The following ROBO2 variants were observed in gnomAD, a reference collection of about 807,000 sequenced individuals.
The protein encoded by ROBO2 is roundabout homolog 2.
Under a neutral mutation model 160.8 loss-of-function variants are expected in ROBO2, and 53 were observed. That is an observed-to-expected ratio of 0.33 (90% CI 0.26 to 0.41). The LOEUF is 0.41. ROBO2 is among the 10% of genes least tolerant of loss of function. The pLI, the probability that ROBO2 is intolerant of heterozygous loss-of-function variation, is 1.00. For synonymous variants in ROBO2, 664 were observed against 611.7 expected (o/e 1.09, Z -1.26); for missense variants, 1,577 against 1,722.4 (o/e 0.92, Z 1.49).
chr3:76,821,299 C>T (rs2109134860), intron 2 of ROBO2, among the ~76,000 whole-genome samples: 1 of 151,994 alleles, frequency 6.6e-6, no homozygotes, highest in African/African-American at 2.4e-5. Context: ...TCATCAAGCC[C>T]ATGGATTTTA....
chr3:76,400,199 C>T (rs2077733131), intron 2 of ROBO2, among the ~76,000 whole-genome samples: 1 of 151,542 alleles, frequency 6.6e-6, no homozygotes. Context: ...TAAAAAATTG[C>T]ATTGAAGCAA....
chr3:76,067,398 A>G (rs936098459), intron 2 of ROBO2, among the ~76,000 whole-genome samples: 1 of 152,182 alleles, frequency 6.6e-6, no homozygotes, highest in African/African-American at 2.4e-5. Context: ...TTTGGAAAAC[A>G]TGGTAGAGAT....
intron 2 of ROBO2, among the ~76,000 whole-genome samples, chr3:76,490,232 A>G (rs895067191): frequency 6.6e-6 from 1 of 152,180 alleles, no homozygotes; most frequent in Non-Finnish European, 1.5e-5. Flanking sequence ...GTTAAAGAAA[A>G]TCAGGATTGA....
intron 2 of ROBO2, among the ~76,000 whole-genome samples, chr3:77,423,609 G>A (rs1261647576): frequency 6.6e-6 from 1 of 152,008 alleles, no homozygotes; most frequent in Non-Finnish European, 1.5e-5. Context: ...TTTTCTGACA[G>A]GAACACTTAC....
At chr3:77,201,731 C>T (rs2082934472) in intron 2 of ROBO2, among the ~76,000 whole-genome samples, 1 of 151,936 alleles carries the variant, frequency 6.6e-6, no homozygotes, top group Non-Finnish European at 1.5e-5. Flanking sequence ...TATTTGTTGC[C>T]TAAAATTTAT....
At position 76,020,804 on chromosome 3, in the gene ROBO2, C is replaced by T. The variant is rs182630167; in HGVS notation, c.109+83202C>T. On this transcript the variant is annotated intron_variant, in intron 2 of 26. Transcript: ENST00000487694. ...GTTATTTTCTATCTTGCTGACATGT[C>T]GTCAAAAGTTTGTTAAAGTGTGAAT... Among the ~76,000 whole-genome samples the T allele has an allele frequency of 2.6e-5, 4 of 151,884 alleles. No individual in the cohort carries two copies. In the East Asian group the frequency reaches 5.8e-4, roughly 22 times the overall value.
chr3:76,247,532 A>G (rs908866664), intron 2 of ROBO2, among the ~76,000 whole-genome samples: 3 of 152,122 alleles, frequency 2.0e-5, no homozygotes, highest in African/African-American at 7.2e-5. Flanking sequence ...TCTATGCGCT[A>G]TGACACATTG....
intron 2 of ROBO2, among the ~76,000 whole-genome samples, chr3:76,465,378 A>G (rs1266733105): frequency 4.6e-5 from 7 of 152,092 alleles, no homozygotes; most frequent in Non-Finnish European, 1.0e-4. Context: ...AGTGGGTAAT[A>G]AAAATAGTTT....
chr3:76,876,530 C>G (rs10446374), intron 2 of ROBO2, among the ~76,000 whole-genome samples: 24,455 of 152,012 alleles, frequency 0.16, 2,250 homozygotes, highest in South Asian at 0.24. Flanking sequence ...TAAAAATGAG[C>G]CAGGCATGGT....
At chr3:77,175,167 A>G (rs1253225245) in intron 2 of ROBO2, among the ~76,000 whole-genome samples, 1 of 152,058 alleles carries the variant, frequency 6.6e-6, no homozygotes, top group Non-Finnish European at 1.5e-5. Flanking sequence ...CTGAAACTAT[A>G]TATTTAGTAG....
intron 2 of ROBO2, among the ~76,000 whole-genome samples, chr3:77,106,545 G>A (rs74493549): frequency 0.044 from 6,683 of 152,086 alleles, 241 homozygotes; most frequent in East Asian, 0.18. Flanking sequence ...CTTAAGGAAG[G>A]TTACACTTCT....
intron 2 of ROBO2, among the ~76,000 whole-genome samples, chr3:76,535,600 T>C (rs878970028): frequency 1.3e-5 from 2 of 152,162 alleles, no homozygotes; most frequent in East Asian, 1.9e-4. Flanking sequence ...GGGAAGCAGA[T>C]AATTTGTTTA....
chr3:77,275,114 A>G (rs1417466748), intron 2 of ROBO2, among the ~76,000 whole-genome samples: 1 of 151,992 alleles, frequency 6.6e-6, no homozygotes, highest in Non-Finnish European at 1.5e-5. Context: ...TTGACACATG[A>G]AAATATATTA....
intron 2 of ROBO2, among the ~76,000 whole-genome samples, chr3:76,246,757 A>T (rs1304130954): frequency 6.6e-6 from 1 of 152,080 alleles, no homozygotes; most frequent in Non-Finnish European, 1.5e-5. Flanking sequence ...TCTTAATTAA[A>T]TTTTATGGGT....
At position 76,707,343 on chromosome 3, in the gene ROBO2, G is replaced by A. The variant is rs543979368; in HGVS notation, c.110-390671G>A. Among the ~76,000 whole-genome samples the A allele has an allele frequency of 7.9e-5, 12 of 152,164 alleles. No homozygotes were observed. In the South Asian group the frequency reaches 2.5e-3, roughly 32 times the overall value. On this transcript the variant is annotated intron_variant, in intron 2 of 26. Coordinates refer to the ROBO2 transcript ENST00000487694. Reference sequence around the variant, plus strand: ...GATTCCTTTGGCCATTATTGGTTAAGTCCACTCTCTTCAGCTTGCCAATGA... The same window carrying A: ...GATTCCTTTGGCCATTATTGGTTAAATCCACTCTCTTCAGCTTGCCAATGA...
intron 2 of ROBO2, among the ~76,000 whole-genome samples, chr3:76,164,549 G>A (rs1030804456): frequency 2.6e-5 from 4 of 152,154 alleles, no homozygotes; most frequent in African/African-American, 4.8e-5. Flanking sequence ...TGAAAACAAC[G>A]TTAATATCCT....
At chr3:77,511,550 A>G (rs1582595330) in intron 5 of ROBO2, among the ~76,000 whole-genome samples, 1 of 152,068 alleles carries the variant, frequency 6.6e-6, no homozygotes, top group East Asian at 2.0e-4. Context: ...GTCTTCGCTT[A>G]GTTTTTTAGC....
intron 2 of ROBO2, among the ~76,000 whole-genome samples, chr3:77,439,378 A>C (rs993268090): frequency 3.3e-5 from 5 of 152,092 alleles, no homozygotes; most frequent in African/African-American, 1.2e-4. Flanking sequence ...TTCTAAAATG[A>C]AGATATCTGA....
At chr3:76,234,893 G>A (rs1704845873) in intron 2 of ROBO2, among the ~76,000 whole-genome samples, 1 of 152,118 alleles carries the variant, frequency 6.6e-6, no homozygotes, top group Non-Finnish European at 1.5e-5. Flanking sequence ...ATCCACAGAT[G>A]AAGGGTTATT....
Sources: gnomAD v4.1 joint callset for allele counts (sites outside exome capture counted in the v4.1 genomes callset) on GRCh38, gnomAD v4.1.1 for gene constraint, MANE v1.5 for transcripts, NCBI Gene and HGNC (gene_info 2026-07-23, HGNC 2026-07-21) for gene names.